The following SLC4A5 variants were observed in gnomAD, a reference collection of about 807,000 sequenced individuals.
SLC4A5 encodes the protein electrogenic sodium bicarbonate cotransporter 4.
A neutral mutation model predicts 120.4 loss-of-function variants in SLC4A5; 96 were observed. The observed-to-expected ratio is 0.80, with a 90% CI of 0.68 to 0.94. The LOEUF is 0.94. Ranked by LOEUF, SLC4A5 falls within the 40% of genes least tolerant of loss-of-function variation. The pLI is 0.00. For synonymous variants in SLC4A5, 550 were observed against 571.1 expected (o/e 0.96, Z 0.53); for missense variants, 1,259 against 1,459.5 (o/e 0.86, Z 2.24).
In SLC4A5 at chr2:74,269,529, G is replaced by A. The variant is rs142079934; in HGVS notation, c.402-4265C>T. Among the ~76,000 whole-genome samples the A allele has an allele frequency of 7.3e-3, 1,103 of 152,138 alleles. 22 individuals are homozygous for A. Among genetic ancestry groups the A allele is most frequent in the African/African-American group, 0.024 (1,001 of 41,542 alleles). ...ATTACAGGCGTGAGCCACCGCGCCC[G>A]GCCAGTCCAAATGTTTTAGTTGAGA... On this transcript the variant is annotated intron_variant, in intron 8 of 30. Coordinates refer to ENST00000394019, the Ensembl canonical transcript of SLC4A5.
chr2:74,299,179 C>T (rs1051320276), intron 7 of SLC4A5, among the ~76,000 whole-genome samples: 1 of 152,128 alleles, frequency 6.6e-6, no homozygotes, highest in South Asian at 2.1e-4. Context: ...GGAGAAACCC[C>T]ATCTCTACTA....
chr2:74,220,618 G>A lies in SLC4A5; in HGVS notation c.*33+816C>T, dbSNP rs371420518. 4.5e-4 allele frequency among the ~76,000 whole-genome samples: 68 copies of A among 151,004 alleles called. 3 individuals carry two copies. The South Asian group carries it at 8.2e-3, about 18-fold the overall frequency. The stretch of plus-strand genomic sequence containing the variant: ...TGCAAGCTCCGCCTCCCAGGTTCAC[G>A]CCATTCTCCTGCCTCAGCCTCCCGA... On this transcript the variant is annotated intron_variant, in intron 30 of 30. Coordinates refer to ENST00000394019, the Ensembl canonical transcript of SLC4A5.
At chr2:74,282,915 C>G (rs1671858867) in intron 8 of SLC4A5, among the ~76,000 whole-genome samples, 1 of 152,222 alleles carries the variant, frequency 6.6e-6, no homozygotes, top group Non-Finnish European at 1.5e-5. Context: ...GGCCCTCGTT[C>G]AGGGCGGGCA....
At chr2:74,253,335 TG>T (rs1381222522) in intron 14 of SLC4A5, among the ~76,000 whole-genome samples, 1 of 152,232 alleles carries the variant, frequency 6.6e-6, no homozygotes, top group African/African-American at 2.4e-5. Context: ...CAGCCTCTCT[TG>T]GATCTGAAGG....
chr2:74,221,473 T>G, exon 30 of SLC4A5: 3 of 1,614,078 alleles, frequency 1.9e-6, no homozygotes, highest in Non-Finnish European at 2.5e-6. Context: ...AGAATCAGAG[T>G]GAGTAACTCC....
chr2:74,340,470 C>A (rs1037999550), intron 2 of SLC4A5, among the ~76,000 whole-genome samples: 3 of 152,022 alleles, frequency 2.0e-5, no homozygotes, highest in Non-Finnish European at 4.4e-5. Context: ...AAGAGGGTAG[C>A]TTCATCCAAG....
At chr2:74,228,990 G>C in intron 25 of SLC4A5, among the ~76,000 whole-genome samples, 1 of 151,956 alleles carries the variant, frequency 6.6e-6, no homozygotes, top group Middle Eastern at 3.4e-3. Context: ...AGCAGAGGCT[G>C]TTCCTCCTTG....
intron 5 of SLC4A5, among the ~76,000 whole-genome samples, chr2:74,324,341 G>A (rs903722806): frequency 2.9e-4 from 44 of 152,136 alleles, no homozygotes; most frequent in South Asian, 2.1e-4. Flanking sequence ...GCTTACTGCA[G>A]CCTCCAACCT....
chr2:74,279,397 G>C (rs1372706611), intron 8 of SLC4A5, among the ~76,000 whole-genome samples: 1 of 152,018 alleles, frequency 6.6e-6, no homozygotes, highest in Non-Finnish European at 1.5e-5. Flanking sequence ...TGATTTCCAG[G>C]ACAAAGCCCT....
intron 20 of SLC4A5, among the ~76,000 whole-genome samples, chr2:74,240,917 T>C (rs1670420551): frequency 6.6e-6 from 1 of 152,182 alleles, no homozygotes; most frequent in Non-Finnish European, 1.5e-5. Flanking sequence ...CCCCAAGTCC[T>C]ACCAGGTGCT....
At chr2:74,234,654 G>T (rs1030021255) in intron 22 of SLC4A5, among the ~76,000 whole-genome samples, 1 of 152,240 alleles carries the variant, frequency 6.6e-6, no homozygotes, top group African/African-American at 2.4e-5. Flanking sequence ...TGATTCCACA[G>T]GTGGGGCCGA....
chr2:74,319,329 G>A (rs2104310441), intron 5 of SLC4A5: 1 of 152,226 alleles, frequency 6.6e-6, no homozygotes, highest in Middle Eastern at 3.4e-3. Flanking sequence ...ATGCATGTAA[G>A]AAACCTGAAT....
chr2:74,247,232 C>T, exon 19 of SLC4A5: 1 of 1,614,194 alleles, frequency 6.2e-7, no homozygotes, highest in Non-Finnish European at 8.5e-7. Flanking sequence ...CATCTGTGGC[C>T]ACTAGGATAA....
exon 19 of SLC4A5, chr2:74,247,114 T>C (rs1670636953): frequency 1.2e-6 from 2 of 1,613,992 alleles, no homozygotes; most frequent in African/African-American, 1.3e-5. Flanking sequence ...GGGTAGTACT[T>C]GAAGGCACCG....
At position 74,312,271 on chromosome 2, in the gene SLC4A5, G is replaced by A. The variant is rs566242295; in HGVS notation, c.79+2674C>T. ...TGTGTGTGTGTGTGTGTGTGTGTGTGTATATGCATTTTTTTTGAGACAGAG... is the reference window on the plus strand; with the variant it reads ...TGTGTGTGTGTGTGTGTGTGTGTGTATATATGCATTTTTTTTGAGACAGAG... On this transcript the variant is annotated intron_variant, in intron 6 of 30. Coordinates refer to ENST00000394019, the Ensembl canonical transcript of SLC4A5. Among the ~76,000 whole-genome samples, 80 of 149,552 alleles carry A rather than the reference G, an allele frequency of 5.3e-4. 1 individual carries two copies. The South Asian group carries it at 8.4e-3, about 16-fold the overall frequency.
At chr2:74,282,083 G>T (rs1671831657) in intron 8 of SLC4A5, among the ~76,000 whole-genome samples, 1 of 152,172 alleles carries the variant, frequency 6.6e-6, no homozygotes, top group Admixed American at 6.6e-5. Context: ...TTTTGTGGGG[G>T]TGACAAGCCT....
At chr2:74,233,319 A>G (rs1295984639) in intron 23 of SLC4A5, 83 bp downstream of exon 23, 1 of 1,519,586 alleles carries the variant, frequency 6.6e-7, no homozygotes, top group African/African-American at 1.4e-5. Context: ...AAAGTACTGA[A>G]AGAAGCATCA....
At chr2:74,222,202 A>G (rs961955318) in intron 29 of SLC4A5, among the ~76,000 whole-genome samples, 2 of 152,180 alleles carry the variant, frequency 1.3e-5, no homozygotes, top group Non-Finnish European at 2.9e-5. Flanking sequence ...CAGCCACTGG[A>G]AAACATGGGA....
chr2:74,273,346 T>C lies in SLC4A5; in HGVS notation c.402-8082A>G, dbSNP rs562147948. On this transcript the variant is annotated intron_variant, in intron 8 of 30. Coordinates refer to ENST00000394019, the Ensembl canonical transcript of SLC4A5. ...TAATTTAAAAAATGTAATCTCCCAA[T>C]GTATGTAACCTTTAATGCTAAGGCT... Among the ~76,000 whole-genome samples, 136 of 152,374 alleles carry C rather than the reference T, an allele frequency of 8.9e-4. 1 individual carries two copies. The highest frequency in any genetic ancestry group is 3.2e-3 in the African/African-American group (134 of 41,592).
Sources: allele counts gnomAD v4.1 joint callset (sites outside exome capture counted in the v4.1 genomes callset), GRCh38; gene constraint gnomAD v4.1.1; transcripts MANE v1.5; gene names NCBI Gene and HGNC (gene_info 2026-07-23, HGNC 2026-07-21).